Variants in AGBL1 observed in about 807,000 individuals in gnomAD.
AGBL1 encodes the protein AGBL carboxypeptidase 1.
AGBL1 carries 130 observed loss-of-function variants against 118.9 expected under a neutral mutation model. The ratio of observed to expected loss-of-function variants is 1.09; its 90% confidence interval spans 0.95 to 1.26. The LOEUF is 1.26. Ranked by LOEUF, AGBL1 falls within the 50% of genes most tolerant of loss-of-function variation. The pLI, the probability that AGBL1 is intolerant of heterozygous loss-of-function variation, is 0.00. For synonymous variants in AGBL1, 555 were observed against 478.9 expected (o/e 1.16, Z -2.08); for missense variants, 1,584 against 1,298.1 (o/e 1.22, Z -3.38).
chr15:86,931,574 GC>G (rs2080604984), intron 23 of AGBL1, among the ~76,000 whole-genome samples: 1 of 21,022 alleles, frequency 4.8e-5, no homozygotes, highest in Non-Finnish European at 1.4e-4. Context: ...TTTTGCTGCT[GC>G]TGCTGCTGCT....
intron 5 of AGBL1, among the ~76,000 whole-genome samples, chr15:86,219,830 A>G (rs2078250323): frequency 6.6e-6 from 1 of 151,798 alleles, no homozygotes; most frequent in Admixed American, 6.6e-5. Context: ...AGATAAAAAT[A>G]TTGCACAGAG....
chr15:86,592,090 C>G (rs1459203467), intron 21 of AGBL1, among the ~76,000 whole-genome samples: 1 of 152,048 alleles, frequency 6.6e-6, no homozygotes, highest in Non-Finnish European at 1.5e-5. Flanking sequence ...GTTGGTCATC[C>G]CAATATTGGT....
At chr15:86,997,890 GACACACAC>G (rs3030280) in intron 24 of AGBL1, among the ~76,000 whole-genome samples, 53,541 of 145,678 alleles carry the variant, frequency 0.37, 11,110 homozygotes, top group Non-Finnish European at 0.49. Flanking sequence ...ACATGTGGAA[GACACACAC>G]ACACACACAC....
chr15:86,565,461 C>A (rs867679160), intron 21 of AGBL1, among the ~76,000 whole-genome samples: 33 of 152,346 alleles, frequency 2.2e-4, no homozygotes, highest in African/African-American at 2.6e-4. Flanking sequence ...TGCTGAACAG[C>A]AAATGTTGCT....
At chr15:86,231,028 C>T (rs1362453325) in intron 6 of AGBL1, among the ~76,000 whole-genome samples, 1 of 152,188 alleles carries the variant, frequency 6.6e-6, no homozygotes, top group East Asian at 1.9e-4. Context: ...ATCTCTGAGA[C>T]TTCGAATGTT....
chr15:86,207,123 A>T (rs1345303276), intron 5 of AGBL1, among the ~76,000 whole-genome samples: 1 of 151,926 alleles, frequency 6.6e-6, no homozygotes, highest in East Asian at 1.9e-4. Flanking sequence ...ATTATTGTAG[A>T]TGTGTGGTGT....
chr15:86,932,984 T>G (rs927244265), intron 23 of AGBL1: 16 of 152,216 alleles, frequency 1.1e-4, no homozygotes, highest in Non-Finnish European at 2.1e-4. Flanking sequence ...GTCATTCTTC[T>G]AAATATTGAG....
intron 17 of AGBL1, among the ~76,000 whole-genome samples, chr15:86,370,383 C>T (rs2080955103): frequency 2.0e-5 from 3 of 150,390 alleles, no homozygotes; most frequent in African/African-American, 7.4e-5. Flanking sequence ...CGGCTCACTG[C>T]AACCTCCACC....
At chr15:86,686,065 G>A (rs1442775168) in intron 22 of AGBL1, among the ~76,000 whole-genome samples, 1 of 152,118 alleles carries the variant, frequency 6.6e-6, no homozygotes, top group Admixed American at 6.6e-5. Context: ...TGTTGTTCTT[G>A]ATCTTTATGT....
In AGBL1 at chr15:86,267,069, G is replaced by C. The variant is rs763189229; in HGVS notation, c.1831G>C (p.Val611Leu). 2.6e-6 allele frequency: 4 copies of C among 1,561,012 alleles called. No individual in the cohort carries two copies. Among genetic ancestry groups the C allele is most frequent in the Non-Finnish European group, 3.5e-6 (4 of 1,151,648 alleles). ...AGGAAATCTTCGCAAAGCCATCCAA[G>C]TGCGTGAGTAAGTAAGGAAAACCAC... Reference protein sequence around the residue: ...ESGNLRKAIQVREFEYDLLVN... With the variant: ...ESGNLRKAIQLREFEYDLLVN... The change falls in exon 13 of 23, where the codon GTG becomes CTG. Residue 611 changes from valine (V) to leucine (L), a missense_variant. By Grantham distance (32) the Val-to-Leu change is conservative. Coordinates refer to ENST00000614907, the MANE Select transcript of AGBL1 (RefSeq NM_001386094.1).
chr15:86,927,457 A>T (rs904146232), intron 23 of AGBL1, among the ~76,000 whole-genome samples: 6 of 151,324 alleles, frequency 4.0e-5, no homozygotes, highest in African/African-American at 1.2e-4. Flanking sequence ...GTGGTGGCAC[A>T]GGCCTATAAG....
intron 17 of AGBL1, chr15:86,317,034 G>C (rs17605231): frequency 0.24 from 36,548 of 152,224 alleles, 5,279 homozygotes; most frequent in Middle Eastern, 0.35. Flanking sequence ...CGCCAGTCTA[G>C]CATTATCCCC....
chr15:86,493,655 C>T (rs888612092), intron 18 of AGBL1, among the ~76,000 whole-genome samples: 1 of 152,014 alleles, frequency 6.6e-6, no homozygotes, highest in Non-Finnish European at 1.5e-5. Flanking sequence ...GATTTCAGTC[C>T]ACACACTTTC....
intron 18 of AGBL1, among the ~76,000 whole-genome samples, chr15:86,515,149 T>G (rs895030060): frequency 2.0e-5 from 3 of 152,210 alleles, no homozygotes; most frequent in African/African-American, 7.2e-5. Flanking sequence ...CAAATACACA[T>G]GGTTTCAGAT....
chr15:86,145,622 ATGC>A (rs2077022995), intron 3 of AGBL1, among the ~76,000 whole-genome samples: 1 of 152,190 alleles, frequency 6.6e-6, no homozygotes, highest in Non-Finnish European at 1.5e-5. Flanking sequence ...TCCATTCAAC[ATGC>A]TGCTGATAAT....
At chr15:86,552,457 C>T (rs1462903613) in intron 20 of AGBL1, among the ~76,000 whole-genome samples, 1 of 152,130 alleles carries the variant, frequency 6.6e-6, no homozygotes, top group Admixed American at 6.5e-5. Context: ...AGCTATTTGC[C>T]AGTATTATTG....
At chr15:87,008,114 G>A (rs531285314) in intron 24 of AGBL1, among the ~76,000 whole-genome samples, 7 of 152,310 alleles carry the variant, frequency 4.6e-5, no homozygotes, top group East Asian at 1.9e-4. Flanking sequence ...TTCTAAGCAC[G>A]TCTGTGGGAG....
At chr15:86,731,078 G>A (rs1056292485) in intron 22 of AGBL1, among the ~76,000 whole-genome samples, 4 of 152,060 alleles carry the variant, frequency 2.6e-5, no homozygotes, top group Non-Finnish European at 4.4e-5. Context: ...TGATCCGCCC[G>A]TCTTGGCCTC....
intron 22 of AGBL1, among the ~76,000 whole-genome samples, chr15:86,684,440 G>A (rs2086016639): frequency 6.7e-6 from 1 of 150,338 alleles, no homozygotes; most frequent in Non-Finnish European, 1.5e-5. Context: ...CCTCACTTTA[G>A]TTAGTACCTA....
Sources: allele counts gnomAD v4.1 joint callset (sites outside exome capture counted in the v4.1 genomes callset), GRCh38; gene constraint gnomAD v4.1.1; transcripts MANE v1.5; gene names NCBI Gene and HGNC (gene_info 2026-07-23, HGNC 2026-07-21).